RALYL: variants seen among roughly 807,000 people sequenced by gnomAD.
The protein encoded by RALYL is RALY RNA binding protein like.
In RALYL, 29 loss-of-function variants were observed where a neutral mutation model predicts 35.1. The ratio of observed to expected loss-of-function variants is 0.83; its 90% CI spans 0.61 to 1.13. RALYL has a LOEUF of 1.13. Ranked by LOEUF, RALYL falls within the 50% of genes most tolerant of loss-of-function variation. The pLI is 0.00. For missense variants in RALYL, 359 were observed against 360.4 expected (o/e 1.00, Z 0.03); for synonymous variants, 120 against 127.6 (o/e 0.94, Z 0.40).
rs550159941 is a variant in RALYL at position 84,420,275 on chromosome 8, T to A, written c.-23-109024T>A. Among the ~76,000 whole-genome samples, 7 of 152,302 alleles carry A rather than the reference T, an allele frequency of 4.6e-5. No homozygotes were observed. In the East Asian group the frequency reaches 1.3e-3, roughly 29 times the overall value. On this transcript the variant is annotated intron_variant, in intron 1 of 8. Transcript: ENST00000521268. ...AGATGGTATTTCATAGTGGTTTTGA[T>A]TTGCATTTCTCTGATGGCCACTGAT...
chr8:84,845,331 T>C (rs1259062893), intron 4 of RALYL, among the ~76,000 whole-genome samples: 1 of 152,150 alleles, frequency 6.6e-6, no homozygotes, highest in East Asian at 1.9e-4. Context: ...CCCTTTTCTT[T>C]GCATCCTCTA....
At chr8:84,682,530 T>G (rs1220621144) in intron 2 of RALYL, among the ~76,000 whole-genome samples, 2 of 152,198 alleles carry the variant, frequency 1.3e-5, no homozygotes, top group Admixed American at 1.3e-4. Flanking sequence ...CTGTTATTGG[T>G]CTATTCAGAG....
At chr8:84,480,721 A>G (rs2053955615) in intron 1 of RALYL, among the ~76,000 whole-genome samples, 1 of 152,132 alleles carries the variant, frequency 6.6e-6, no homozygotes, top group Non-Finnish European at 1.5e-5. Flanking sequence ...TGGAGATCCT[A>G]GTAGAAAGTA....
At chr8:84,211,318 A>G (rs1426360781) in intron 1 of RALYL, among the ~76,000 whole-genome samples, 1 of 152,116 alleles carries the variant, frequency 6.6e-6, no homozygotes, top group Non-Finnish European at 1.5e-5. Flanking sequence ...CTTAGTTAAT[A>G]CTTTAACAAC....
chr8:84,690,415 A>C (rs1589032326), intron 2 of RALYL, among the ~76,000 whole-genome samples: 1 of 152,094 alleles, frequency 6.6e-6, no homozygotes, highest in Admixed American at 6.6e-5. Flanking sequence ...AAAGAGTATA[A>C]AGTTGCAGTT....
chr8:84,213,253 T>G (rs1290875563), intron 1 of RALYL, among the ~76,000 whole-genome samples: 1 of 152,040 alleles, frequency 6.6e-6, no homozygotes, highest in Non-Finnish European at 1.5e-5. Context: ...TAGCTAGGCA[T>G]GGTGGCAACT....
At chr8:84,266,911 G>T (rs1006036825) in intron 1 of RALYL, among the ~76,000 whole-genome samples, 4 of 140,964 alleles carry the variant, frequency 2.8e-5, no homozygotes, top group African/African-American at 1.1e-4. Context: ...AGTGAGCCGA[G>T]ATCGCGCCAC....
chr8:84,876,521 G>A (rs115311347), intron 7 of RALYL, among the ~76,000 whole-genome samples: 12 of 152,006 alleles, frequency 7.9e-5, no homozygotes, highest in African/African-American at 2.7e-4. Context: ...CATGCTTTAC[G>A]CAAAGATGTT....
chr8:84,317,453 G>T (rs1281339115), intron 1 of RALYL, among the ~76,000 whole-genome samples: 3 of 152,086 alleles, frequency 2.0e-5, no homozygotes, highest in Non-Finnish European at 4.4e-5. Flanking sequence ...ATGTCATGTG[G>T]CAAGCTCAAG....
At chr8:84,476,154 T>C (rs2053392172) in intron 1 of RALYL, among the ~76,000 whole-genome samples, 1 of 152,142 alleles carries the variant, frequency 6.6e-6, no homozygotes, top group Non-Finnish European at 1.5e-5. Context: ...AATAAGGTAG[T>C]AGAGAAGGCT....
At chr8:84,573,929 A>T (rs187856734) in intron 2 of RALYL, among the ~76,000 whole-genome samples, 2 of 151,804 alleles carry the variant, frequency 1.3e-5, no homozygotes, top group Non-Finnish European at 2.9e-5. Context: ...AGGCTTGCTT[A>T]TATTATCTCC....
intron 2 of RALYL, among the ~76,000 whole-genome samples, chr8:84,691,577 G>A (rs957853624): frequency 1.3e-5 from 2 of 151,920 alleles, no homozygotes; most frequent in Non-Finnish European, 2.9e-5. Flanking sequence ...ATTAAAGAAA[G>A]AGCAAATGAG....
intron 1 of RALYL, among the ~76,000 whole-genome samples, chr8:84,468,475 A>G (rs1225684597): frequency 1.4e-5 from 2 of 146,740 alleles, no homozygotes; most frequent in South Asian, 4.8e-4. Context: ...ATTGGCCCCC[A>G]CTCTCTTCTG....
At chr8:84,749,387 A>T (rs1258139634) in intron 2 of RALYL, among the ~76,000 whole-genome samples, 1 of 151,700 alleles carries the variant, frequency 6.6e-6, no homozygotes, top group African/African-American at 2.4e-5. Flanking sequence ...CACCTATTAC[A>T]CTCCTTTTGA....
chr8:84,735,403 A>T (rs544246922), intron 2 of RALYL, among the ~76,000 whole-genome samples: 136 of 152,088 alleles, frequency 8.9e-4, no homozygotes, highest in Non-Finnish European at 1.7e-3. Context: ...AATTTTTCTC[A>T]TATTAACATT....
intron 1 of RALYL, among the ~76,000 whole-genome samples, chr8:84,472,798 C>G (rs2052939077): frequency 6.6e-6 from 1 of 152,066 alleles, no homozygotes; most frequent in East Asian, 1.9e-4. Flanking sequence ...TTTACTTTTT[C>G]AAAATCTTCC....
At chr8:84,195,760 A>C (rs1815124142) in intron 1 of RALYL, among the ~76,000 whole-genome samples, 1 of 152,178 alleles carries the variant, frequency 6.6e-6, no homozygotes, top group Non-Finnish European at 1.5e-5. Context: ...ACAAAAAAGT[A>C]AAGGGGGCCA....
chr8:84,274,981 A>C (rs1317662137), intron 1 of RALYL, among the ~76,000 whole-genome samples: 1 of 152,198 alleles, frequency 6.6e-6, no homozygotes, highest in Non-Finnish European at 1.5e-5. Context: ...CTGAGGCCAG[A>C]GAGTCAAGAT....
chr8:84,272,129 G>A (rs552898079), intron 1 of RALYL, among the ~76,000 whole-genome samples: 1 of 151,882 alleles, frequency 6.6e-6, no homozygotes, highest in African/African-American at 2.4e-5. Flanking sequence ...TTTCACTATT[G>A]TTGCCCAGGC....
Sources: gnomAD v4.1 joint callset for allele counts (sites outside exome capture counted in the v4.1 genomes callset) on GRCh38, gnomAD v4.1.1 for gene constraint, MANE v1.5 for transcripts, NCBI Gene and HGNC (gene_info 2026-07-23, HGNC 2026-07-21) for gene names.